Variants in PGS1 observed in about 807,000 individuals in gnomAD.
The protein encoded by PGS1 is phosphatidylglycerophosphate synthase 1, also known as CDP-diacylglycerol--glycerol-3-phosphate 3-phosphatidyltransferase, mitochondrial.
Under a neutral mutation model 58.3 loss-of-function variants are expected in PGS1, and 44 were observed. That is an observed-to-expected ratio of 0.75 (90% confidence interval 0.59 to 0.97). The LOEUF (loss-of-function observed/expected upper bound fraction) is 0.97, where lower values mean the gene tolerates loss of function less well. PGS1 is among the 50% of genes least tolerant of loss of function. The pLI is 0.00. For synonymous variants in PGS1, 330 were observed against 311.0 expected, an observed-to-expected ratio of 1.06 and a Z score of -0.64; for missense variants, 684 against 731.1, an observed-to-expected ratio of 0.94 and a Z score of 0.74.
Position 78,386,294 on chromosome 17 carries a change from C to T in PGS1, c.144-6182C>T, listed in dbSNP as rs953601691. On this transcript the variant is annotated intron_variant, in intron 1 of 9. Transcript: ENST00000262764. ...CTGAGGTTGGTGTGGTGATGTAGTA[C>T]GGCTGGTTTGATTTTGAATGCTGGA... 4.6e-5 allele frequency among the ~76,000 whole-genome samples: 7 copies of T among 152,132 alleles called. No individual in the cohort carries two copies. The South Asian group carries it at 1.0e-3, about 22-fold the overall frequency.
chr17:78,419,932 C>T, intron 9 of PGS1: 1 of 1,223,564 alleles, frequency 8.2e-7, no homozygotes, highest in Admixed American at 3.5e-5. Context: ...TCGGCAGTGG[C>T]AGCCTGTAGT....
At chr17:78,393,834 C>T (rs945337036) in intron 2 of PGS1, among the ~76,000 whole-genome samples, 1 of 152,124 alleles carries the variant, frequency 6.6e-6, no homozygotes, top group African/African-American at 2.4e-5. Flanking sequence ...GAACACTAAT[C>T]AACACTGATT....
chr17:78,415,651 A>G (rs1000714657), intron 8 of PGS1, among the ~76,000 whole-genome samples: 2 of 152,230 alleles, frequency 1.3e-5, no homozygotes, highest in Non-Finnish European at 2.9e-5. Flanking sequence ...AAAGGGTTCA[A>G]CAGTGGTTTC....
chr17:78,387,473 A>G (rs1292857414), intron 1 of PGS1, among the ~76,000 whole-genome samples: 1 of 149,594 alleles, frequency 6.7e-6, no homozygotes. Flanking sequence ...CTAATTTTGT[A>G]TTTTTAGTAG....
intron 1 of PGS1, among the ~76,000 whole-genome samples, chr17:78,388,816 A>T: frequency 6.6e-6 from 1 of 151,982 alleles, no homozygotes; most frequent in Admixed American, 6.6e-5. Context: ...AAGCACATGC[A>T]CTATTTGGAC....
intron 8 of PGS1, among the ~76,000 whole-genome samples, chr17:78,416,466 G>A (rs908211468): frequency 6.6e-6 from 1 of 152,222 alleles, no homozygotes; most frequent in South Asian, 2.1e-4. Flanking sequence ...GGTTCTGCGT[G>A]GATCTGAGTT....
chr17:78,396,061 C>T (rs761473494), intron 2 of PGS1, among the ~76,000 whole-genome samples: 2 of 152,200 alleles, frequency 1.3e-5, no homozygotes, highest in Non-Finnish European at 2.9e-5. Flanking sequence ...TTCTTAATGG[C>T]CGTGTTGCAT....
chr17:78,423,274 G>A (rs2086096805), intron 9 of PGS1, among the ~76,000 whole-genome samples: 1 of 152,122 alleles, frequency 6.6e-6, no homozygotes. Flanking sequence ...TCCTGCATCA[G>A]CCCAGCCACA....
At chr17:78,405,901 G>A (rs912350326) in intron 7 of PGS1, among the ~76,000 whole-genome samples, 1 of 152,198 alleles carries the variant, frequency 6.6e-6, no homozygotes, top group Non-Finnish European at 1.5e-5. Flanking sequence ...CTAGGCTGTG[G>A]ACTGCAGTAG....
chr17:78,423,827 G>T, intron 9 of PGS1: 4 of 1,534,986 alleles, frequency 2.6e-6, no homozygotes, highest in South Asian at 1.2e-5. Context: ...TTCCTGTAAA[G>T]AATAAGTCAC....
intron 9 of PGS1, chr17:78,421,403 T>TGTCA (rs4013606): frequency 0.94 from 143,276 of 152,176 alleles, 67,923 homozygotes; most frequent in Non-Finnish European, 1. Flanking sequence ...CAGGAGTCAC[T>TGTCA]GTCACCCTTC....
intron 9 of PGS1, chr17:78,420,885 C>CA (rs1372736526): frequency 6.6e-6 from 1 of 152,172 alleles, no homozygotes; most frequent in Non-Finnish European, 1.5e-5. Context: ...TGTCTTCCCC[C>CA]AAAATGTGTA....
intron 7 of PGS1, among the ~76,000 whole-genome samples, chr17:78,410,303 C>T (rs2146281213): frequency 6.8e-6 from 1 of 147,080 alleles, no homozygotes; most frequent in African/African-American, 2.5e-5. Flanking sequence ...GTTACAGCCG[C>T]CTGTAATCTC....
chr17:78,417,370 A>G (rs1021127077), intron 8 of PGS1, among the ~76,000 whole-genome samples: 8 of 152,132 alleles, frequency 5.3e-5, no homozygotes, highest in Non-Finnish European at 8.8e-5. Flanking sequence ...CTCAGCAGCA[A>G]TTAGGAGGCC....
chr17:78,386,954 GTGATGA>G (rs759074948), intron 1 of PGS1, among the ~76,000 whole-genome samples: 14 of 151,088 alleles, frequency 9.3e-5, no homozygotes, highest in African/African-American at 1.7e-4. Flanking sequence ...GGTGATGATG[GTGATGA>G]TGATGATGAT....
intron 9 of PGS1, among the ~76,000 whole-genome samples, chr17:78,423,038 A>C (rs1010066897): frequency 6.6e-6 from 1 of 151,534 alleles, no homozygotes; most frequent in South Asian, 2.1e-4. Flanking sequence ...GGAGGTTGCA[A>C]CGTGAGCCGA....
At chr17:78,407,839 G>C (rs988686619) in intron 7 of PGS1, among the ~76,000 whole-genome samples, 1 of 152,240 alleles carries the variant, frequency 6.6e-6, no homozygotes, top group Non-Finnish European at 1.5e-5. Flanking sequence ...AGAGCAGCGT[G>C]GGGGGAAGAG....
At chr17:78,389,723 C>T (rs1446614181) in intron 1 of PGS1, among the ~76,000 whole-genome samples, 1 of 152,106 alleles carries the variant, frequency 6.6e-6, no homozygotes, top group African/African-American at 2.4e-5. Flanking sequence ...AAGCGATTCT[C>T]CTGCTTCAGC....
At chr17:78,410,145 C>T (rs962428616) in intron 7 of PGS1, among the ~76,000 whole-genome samples, 1 of 150,808 alleles carries the variant, frequency 6.6e-6, no homozygotes, top group South Asian at 2.1e-4. Flanking sequence ...ACAAAATAGG[C>T]CAGGTGCAGT....
Sources: allele counts gnomAD v4.1 joint callset (sites outside exome capture counted in the v4.1 genomes callset), GRCh38; gene constraint gnomAD v4.1.1; transcripts MANE v1.5; gene names NCBI Gene and HGNC (gene_info 2026-07-23, HGNC 2026-07-21).